EML6: variants seen among roughly 807,000 people sequenced by gnomAD.
The protein encoded by EML6 is EMAP like 6.
Under a neutral mutation model 240.1 loss-of-function variants are expected in EML6, and 154 were observed. The ratio of observed to expected loss-of-function variants is 0.64; its 90% CI spans 0.56 to 0.73. The LOEUF is 0.73. Among genes scored for constraint, EML6 ranks in the 30% least tolerant of loss-of-function variants. The pLI, the probability that EML6 is intolerant of heterozygous loss-of-function variation, is 0.00. For synonymous variants in EML6, 1,148 were observed against 899.0 expected, an observed-to-expected ratio of 1.28 and a Z score of -4.95; for missense variants, 2,964 against 2,474.6, an observed-to-expected ratio of 1.20 and a Z score of -4.20.
intron 2 of EML6, among the ~76,000 whole-genome samples, chr2:54,753,821 A>G (rs1437825799): frequency 2.0e-5 from 3 of 151,794 alleles, no homozygotes; most frequent in African/African-American, 7.3e-5. Context: ...ACAGGTGCAC[A>G]TCACCATGTC....
intron 25 of EML6, among the ~76,000 whole-genome samples, chr2:54,915,193 G>C (rs1305508420): frequency 6.6e-6 from 1 of 152,114 alleles, no homozygotes; most frequent in African/African-American, 2.4e-5. Flanking sequence ...GTAGCTTCCA[G>C]CAAGTTCGAC....
At position 54,894,953 on chromosome 2, in the gene EML6, C is replaced by G. The variant is rs1573091881; in HGVS notation, c.2781C>G (p.Leu927=). Residue 927 remains leucine, a synonymous_variant, in exon 20 of 42, where the codon CTC becomes CTG. Transcript: ENST00000356458. ...VTGGKDGIVE[L]WDDMFERCLK... ...GTGGAAAGGACGGCATCGTGGAGCT[C>G]TGGGATGATATGTTTGAAAGATGTT... 1 of 1,551,326 alleles carries G rather than the reference C, an allele frequency of 6.4e-7. No homozygotes were observed. Among genetic ancestry groups the G allele is most frequent in the South Asian group, 1.2e-5 (1 of 84,044 alleles).
intron 2 of EML6, among the ~76,000 whole-genome samples, chr2:54,749,606 C>T (rs1848925): frequency 4.6e-5 from 7 of 151,792 alleles, no homozygotes; most frequent in African/African-American, 1.7e-4. Context: ...GTACTGGGCA[C>T]GCTGAGCATT....
At chr2:54,782,332 T>C (rs1668888898) in intron 2 of EML6, among the ~76,000 whole-genome samples, 1 of 152,206 alleles carries the variant, frequency 6.6e-6, no homozygotes, top group Non-Finnish European at 1.5e-5. Flanking sequence ...TTTTGGGTTT[T>C]TAAAGTCAAA....
At chr2:54,780,380 T>C (rs1668798708) in intron 2 of EML6, among the ~76,000 whole-genome samples, 1 of 152,246 alleles carries the variant, frequency 6.6e-6, no homozygotes, top group African/African-American at 2.4e-5. Context: ...ATGACGTTTG[T>C]AGCTTTAGAC....
intron 2 of EML6, among the ~76,000 whole-genome samples, chr2:54,738,110 GT>G (rs201528758): frequency 8.6e-5 from 13 of 150,764 alleles, no homozygotes; most frequent in Non-Finnish European, 1.8e-4. Flanking sequence ...GCACATCCTT[GT>G]TTTTTTTTCC....
intron 24 of EML6, among the ~76,000 whole-genome samples, chr2:54,905,321 GACACACACACAC>G (rs70944194): frequency 0.25 from 30,262 of 121,556 alleles, 3,946 homozygotes; most frequent in Non-Finnish European, 0.29. Context: ...TTTAGAATCC[GACACACACACAC>G]ACACACACAC....
chr2:54,799,741 TAGA>T (rs1168113229), intron 2 of EML6, among the ~76,000 whole-genome samples: 2 of 152,174 alleles, frequency 1.3e-5, no homozygotes, highest in African/African-American at 2.4e-5. Context: ...TGACCCTTTA[TAGA>T]AGGTTTGCTG....
intron 28 of EML6, among the ~76,000 whole-genome samples, chr2:54,932,686 A>T (rs1377236794): frequency 6.6e-6 from 1 of 152,228 alleles, no homozygotes; most frequent in Non-Finnish European, 1.5e-5. Flanking sequence ...GCAATTTAAG[A>T]TACAAAATGC....
At chr2:54,839,662 G>C (rs1353835163) in intron 7 of EML6, among the ~76,000 whole-genome samples, 1 of 152,250 alleles carries the variant, frequency 6.6e-6, no homozygotes, top group East Asian at 1.9e-4. Flanking sequence ...TGAAATCGGA[G>C]ATGGTGAGGT....
chr2:54,856,823 CTG>C (rs1670407452), intron 11 of EML6, among the ~76,000 whole-genome samples: 1 of 152,114 alleles, frequency 6.6e-6, no homozygotes, highest in Non-Finnish European at 1.5e-5. Flanking sequence ...GCTTTTAAGA[CTG>C]TTTTGATATT....
intron 28 of EML6, among the ~76,000 whole-genome samples, chr2:54,938,220 C>A (rs1306047634): frequency 2.6e-5 from 4 of 152,096 alleles, no homozygotes; most frequent in Non-Finnish European, 5.9e-5. Context: ...GTGGCGGGCA[C>A]CTGTAATCAC....
chr2:54,878,805 A>G (rs973698362), intron 16 of EML6, among the ~76,000 whole-genome samples: 1 of 152,224 alleles, frequency 6.6e-6, no homozygotes, highest in Non-Finnish European at 1.5e-5. Flanking sequence ...ATGATATAAT[A>G]GATGAAGAAA....
At chr2:54,822,048 T>C (rs955333756) in intron 5 of EML6, among the ~76,000 whole-genome samples, 2 of 152,082 alleles carry the variant, frequency 1.3e-5, no homozygotes, top group African/African-American at 4.8e-5. Context: ...ACACACAAAA[T>C]AGATACTGGG....
intron 2 of EML6, among the ~76,000 whole-genome samples, chr2:54,784,673 A>G (rs1008081485): frequency 1.3e-5 from 2 of 152,214 alleles, no homozygotes; most frequent in African/African-American, 4.8e-5. Context: ...TTTCTATGTT[A>G]TATGTATTAT....
chr2:54,849,711 A>G (rs751884398), intron 9 of EML6, among the ~76,000 whole-genome samples: 1 of 152,158 alleles, frequency 6.6e-6, no homozygotes, highest in Non-Finnish European at 1.5e-5. Context: ...GATGGTCTCA[A>G]TCTCCTGACC....
chr2:54,818,402 G>A lies in EML6; in HGVS notation c.456+1517G>A, dbSNP rs912538326. Among the ~76,000 whole-genome samples, 7 of 152,172 alleles carry A rather than the reference G, an allele frequency of 4.6e-5. No homozygotes were observed. The East Asian group carries it at 7.7e-4, about 17-fold the overall frequency. ...TACTTCCGTAACAAATAGCTGAGTGGCAGCCAGCTTCAGCCAATGGCAGGC... is the reference window on the plus strand; with the variant it reads ...TACTTCCGTAACAAATAGCTGAGTGACAGCCAGCTTCAGCCAATGGCAGGC... On this transcript the variant is annotated intron_variant, in intron 4 of 41. Transcript: ENST00000356458.
chr2:54,743,212 G>C (rs557547698), intron 2 of EML6, among the ~76,000 whole-genome samples: 1 of 152,170 alleles, frequency 6.6e-6, no homozygotes, highest in East Asian at 1.9e-4. Flanking sequence ...CAGGGTGCAC[G>C]CACATACACA....
chr2:54,737,460 G>A (rs1203867706), intron 2 of EML6, among the ~76,000 whole-genome samples: 1 of 152,088 alleles, frequency 6.6e-6, no homozygotes, highest in Non-Finnish European at 1.5e-5. Flanking sequence ...CACCGTGCCT[G>A]GCTAATTTTT....
Sources: gnomAD v4.1 joint callset for allele counts (sites outside exome capture counted in the v4.1 genomes callset) on GRCh38, gnomAD v4.1.1 for gene constraint, MANE v1.5 for transcripts, NCBI Gene and HGNC (gene_info 2026-07-23, HGNC 2026-07-21) for gene names.